Variants in NFIA observed in about 807,000 individuals in gnomAD.
NFIA encodes the protein nuclear factor I A, also known as nuclear factor 1 A-type.
A neutral mutation model predicts 62.8 loss-of-function variants in NFIA; 8 were observed. The observed-to-expected ratio is 0.13, with a 90% CI of 0.07 to 0.23. The LOEUF is 0.23. Among genes scored for constraint, NFIA ranks in the 10% least tolerant of loss-of-function variants. The probability of loss-of-function intolerance (pLI) is 1.00; values close to 1 mark genes in which losing one functional copy is unlikely to be tolerated. For missense variants in NFIA, 410 were observed against 642.1 expected, an observed-to-expected ratio of 0.64 and a Z score of 3.91; for synonymous variants, 235 against 238.1, an observed-to-expected ratio of 0.99 and a Z score of 0.12.
At chr1:61,223,261 C>T (rs1479314283) in intron 2 of NFIA, among the ~76,000 whole-genome samples, 1 of 152,008 alleles carries the variant, frequency 6.6e-6, no homozygotes, top group Non-Finnish European at 1.5e-5. Flanking sequence ...TGAGACTACT[C>T]TTTGGCCAGG....
chr1:61,082,759 A>G lies in NFIA; in HGVS notation c.-33A>G. On this transcript the variant is annotated 5_prime_UTR_variant, in exon 1 of 11. Transcript: ENST00000403491. The stretch of plus-strand genomic sequence containing the variant: ...ACGCACACCTCCAAACCGCACACCC[A>G]GACGCACACGCATACCCCAGCGCCC... The G allele has an allele frequency of 6.4e-7, 1 of 1,551,060 alleles. No homozygotes were observed. The highest frequency in any genetic ancestry group is 8.7e-7 in the Non-Finnish European group (1 of 1,147,068).
chr1:61,362,439 A>C (rs1663347613), intron 6 of NFIA, among the ~76,000 whole-genome samples: 1 of 152,146 alleles, frequency 6.6e-6, no homozygotes, highest in Non-Finnish European at 1.5e-5. Flanking sequence ...CCTCACTCAG[A>C]ATGCTTTGGT....
chr1:61,152,677 A>G (rs1161701932), intron 2 of NFIA, among the ~76,000 whole-genome samples: 3 of 152,154 alleles, frequency 2.0e-5, no homozygotes, highest in East Asian at 1.9e-4. Flanking sequence ...TGCTTTGAAG[A>G]TATAAAAAAT....
chr1:61,161,451 T>C (rs943358752), intron 2 of NFIA, among the ~76,000 whole-genome samples: 1 of 152,076 alleles, frequency 6.6e-6, no homozygotes, highest in African/African-American at 2.4e-5. Context: ...GCTGCTTCAG[T>C]CTGGAAACTA....
At chr1:61,315,592 C>T (rs778557960) in intron 3 of NFIA, among the ~76,000 whole-genome samples, 1 of 152,046 alleles carries the variant, frequency 6.6e-6, no homozygotes, top group African/African-American at 2.4e-5. Context: ...GACAGATATT[C>T]AATAAAGTAT....
intron 3 of NFIA, among the ~76,000 whole-genome samples, chr1:61,328,154 C>T (rs1340609570): frequency 6.6e-6 from 1 of 150,450 alleles, no homozygotes; most frequent in Non-Finnish European, 1.5e-5. Context: ...ATTCTGGATA[C>T]TAGTTCTTTG....
chr1:61,407,574 T>G (rs2474379), intron 9 of NFIA, among the ~76,000 whole-genome samples: 124,078 of 152,074 alleles, frequency 0.82, 51,217 homozygotes, highest in East Asian at 0.98. Context: ...AGTTCCTAGG[T>G]GATGGATGCC....
chr1:61,322,388 G>C (rs1163430542), intron 3 of NFIA, among the ~76,000 whole-genome samples: 1 of 152,144 alleles, frequency 6.6e-6, no homozygotes, highest in African/African-American at 2.4e-5. Context: ...CAGATGAGCA[G>C]CCTAAGTTGG....
At chr1:61,190,004 T>C (rs1257004010) in intron 2 of NFIA, among the ~76,000 whole-genome samples, 1 of 152,156 alleles carries the variant, frequency 6.6e-6, no homozygotes, top group Non-Finnish European at 1.5e-5. Context: ...AATAATGATA[T>C]TTAGTGAATT....
chr1:61,277,151 C>T (rs1399562490), intron 2 of NFIA, among the ~76,000 whole-genome samples: 3 of 152,140 alleles, frequency 2.0e-5, no homozygotes, highest in African/African-American at 7.2e-5. Context: ...CTGAATCAAG[C>T]TTCAGATGTG....
At chr1:61,176,449 A>C (rs952741435) in intron 2 of NFIA, among the ~76,000 whole-genome samples, 3 of 152,308 alleles carry the variant, frequency 2.0e-5, no homozygotes, top group Admixed American at 2.0e-4. Flanking sequence ...GTTTTACAGG[A>C]TAGAAATAAA....
At chr1:61,215,681 G>T (rs1653569436) in intron 2 of NFIA, among the ~76,000 whole-genome samples, 1 of 152,174 alleles carries the variant, frequency 6.6e-6, no homozygotes, top group Non-Finnish European at 1.5e-5. Flanking sequence ...AAATAAGGAT[G>T]ATACTATTTG....
chr1:61,305,950 C>G (rs779246259), intron 3 of NFIA, among the ~76,000 whole-genome samples: 1 of 151,622 alleles, frequency 6.6e-6, no homozygotes, highest in African/African-American at 2.4e-5. Context: ...CGAGTTCACA[C>G]CATTCTCCTG....
At chr1:61,352,209 G>A (rs890391953) in intron 4 of NFIA, among the ~76,000 whole-genome samples, 58 of 152,220 alleles carry the variant, frequency 3.8e-4, no homozygotes, top group African/African-American at 1.2e-3. Flanking sequence ...TGCAACCTTG[G>A]TGACAATTTA....
At chr1:61,242,784 G>A (rs1019353367) in intron 2 of NFIA, among the ~76,000 whole-genome samples, 3 of 152,200 alleles carry the variant, frequency 2.0e-5, no homozygotes, top group South Asian at 2.1e-4. Context: ...TTAAGTAGCT[G>A]TTAAAAAAGG....
At chr1:61,428,795 C>T (rs1666980100) in intron 10 of NFIA, among the ~76,000 whole-genome samples, 1 of 152,114 alleles carries the variant, frequency 6.6e-6, no homozygotes, top group South Asian at 2.1e-4. Flanking sequence ...CGGCAGATTT[C>T]CTAGGCAAAC....
At chr1:61,162,614 T>C (rs554512845) in intron 2 of NFIA, among the ~76,000 whole-genome samples, 2 of 152,274 alleles carry the variant, frequency 1.3e-5, no homozygotes, top group South Asian at 4.1e-4. Context: ...CATGATAGAT[T>C]ATGCTGGGAA....
intron 2 of NFIA, among the ~76,000 whole-genome samples, chr1:61,145,808 T>A (rs1647885173): frequency 6.6e-6 from 1 of 152,344 alleles, no homozygotes; most frequent in East Asian, 1.9e-4. Flanking sequence ...TCTTCATTAA[T>A]GAACGCTGTC....
rs199904670 is a variant in NFIA, at chr1:61,353,588, CTT to C, written c.818+1022_818+1023del. Among the ~76,000 whole-genome samples the C allele has an allele frequency of 6.0e-4, 91 of 152,284 alleles. 2 individuals are homozygous for C. In the East Asian group the frequency reaches 0.014, roughly 23 times the overall value. Reference sequence around the variant, plus strand: ...TTCCTCCTAAAGCAAGTACCTGAGTCTTATGATTTAAAACAATGCCCAAATTA... The same window carrying C: ...TTCCTCCTAAAGCAAGTACCTGAGTCATGATTTAAAACAATGCCCAAATTA... On this transcript the variant is annotated intron_variant, in intron 5 of 10. Transcript: ENST00000403491.
Sources: allele counts gnomAD v4.1 joint callset (sites outside exome capture counted in the v4.1 genomes callset), GRCh38; gene constraint gnomAD v4.1.1; transcripts MANE v1.5; gene names NCBI Gene and HGNC (gene_info 2026-07-23, HGNC 2026-07-21).